The following EPS15 variants were observed in gnomAD, a reference collection of about 807,000 sequenced individuals.
EPS15 encodes epidermal growth factor receptor pathway substrate 15, also known as epidermal growth factor receptor substrate 15.
A neutral mutation model predicts 113.8 loss-of-function variants in EPS15; 72 were observed. The ratio of observed to expected loss-of-function variants is 0.63; its 90% CI spans 0.52 to 0.77. The LOEUF is 0.77. Among genes scored for constraint, EPS15 ranks in the 30% least tolerant of loss-of-function variants. The probability of loss-of-function intolerance (pLI) is 0.00; values close to 1 mark genes in which losing one functional copy is unlikely to be tolerated. For synonymous variants in EPS15, 344 were observed against 363.4 expected, an observed-to-expected ratio of 0.95 and a Z score of 0.61; for missense variants, 1,048 against 1,045.8, an observed-to-expected ratio of 1.00 and a Z score of -0.03.
intron 21 of EPS15, among the ~76,000 whole-genome samples, chr1:51,370,474 A>C (rs1646619828): frequency 6.6e-6 from 1 of 152,176 alleles, no homozygotes; most frequent in South Asian, 2.1e-4. Flanking sequence ...AGTGCTCAAA[A>C]AGGTTTAGAT....
At chr1:51,449,192 T>C (rs1653323206) in intron 8 of EPS15, among the ~76,000 whole-genome samples, 1 of 152,068 alleles carries the variant, frequency 6.6e-6, no homozygotes, top group African/African-American at 2.4e-5. Context: ...TCAACCTAAA[T>C]GCCCATCAAT....
At chr1:51,457,263 G>A (rs187877036) in intron 8 of EPS15, among the ~76,000 whole-genome samples, 2 of 151,768 alleles carry the variant, frequency 1.3e-5, no homozygotes, top group Admixed American at 1.3e-4. Context: ...CTCCAGCCTG[G>A]GCAACAAAGT....
At chr1:51,360,171 T>C (rs967344463) in intron 24 of EPS15, among the ~76,000 whole-genome samples, 3 of 152,068 alleles carry the variant, frequency 2.0e-5, no homozygotes, top group African/African-American at 7.2e-5. Context: ...AATGCTACAC[T>C]GAGGAGGGAA....
intron 22 of EPS15, among the ~76,000 whole-genome samples, chr1:51,365,257 C>T (rs947081906): frequency 6.6e-6 from 1 of 152,210 alleles, no homozygotes. Context: ...ATTGACATTT[C>T]AGGCTGGACG....
intron 21 of EPS15, chr1:51,372,607 A>AC (rs1370819907): frequency 5.9e-6 from 3 of 509,002 alleles, no homozygotes; most frequent in Non-Finnish European, 1.2e-5. Flanking sequence ...AAAGACACTA[A>AC]CCTAACTCAG....
rs893947331 is a variant in EPS15 at position 51,421,024 on chromosome 1, C to T, written c.1113+762G>A. On this transcript the variant is annotated intron_variant, in intron 13 of 24. Coordinates refer to ENST00000371733, the MANE Select transcript of EPS15 (RefSeq NM_001981.3). ...TCTATATCCAATCTCCTCTATGTGC[C>T]GGTGCAGCACTAAGGAAACAGTACC... is the stretch of plus-strand genomic sequence containing the variant. Among the ~76,000 whole-genome samples the T allele has an allele frequency of 3.9e-5, 6 of 152,228 alleles. No homozygotes were observed. The East Asian group carries it at 1.2e-3, about 29-fold the overall frequency.
chr1:51,451,280 G>A (rs562854033), intron 8 of EPS15, among the ~76,000 whole-genome samples: 1 of 151,772 alleles, frequency 6.6e-6, no homozygotes, highest in Non-Finnish European at 1.5e-5. Context: ...CCTGAGGTCA[G>A]GAGTTCGAAA....
chr1:51,463,881 T>A, intron 6 of EPS15, 83 bp from the exon 7 acceptor site: 1 of 731,938 alleles, frequency 1.4e-6, no homozygotes, highest in Admixed American at 2.5e-5. Flanking sequence ...CCTTAAAGAA[T>A]AGACTACATA....
intron 16 of EPS15, among the ~76,000 whole-genome samples, chr1:51,404,405 A>G (rs1648899764): frequency 6.6e-6 from 1 of 152,162 alleles, no homozygotes; most frequent in Non-Finnish European, 1.5e-5. Context: ...TAGCAGGGCA[A>G]TAGCTACTTT....
intron 21 of EPS15, among the ~76,000 whole-genome samples, chr1:51,388,192 A>C (rs550372122): frequency 0.03 from 4,549 of 152,288 alleles, 67 homozygotes; most frequent in African/African-American, 0.05. Context: ...AACTACATGG[A>C]AACTGAACAA....
intron 12 of EPS15, 79 bp downstream of exon 12, chr1:51,440,268 A>T (rs1652480415): frequency 1.9e-6 from 1 of 519,438 alleles, no homozygotes; most frequent in Admixed American, 3.0e-5. Context: ...GTATACATAT[A>T]TACATGTACT....
intron 1 of EPS15, among the ~76,000 whole-genome samples, chr1:51,513,007 T>G (rs1644653266): frequency 1.3e-5 from 2 of 151,074 alleles, no homozygotes; most frequent in South Asian, 4.2e-4. Context: ...TAAAAAAAAT[T>G]TTTTTTTTGT....
intron 8 of EPS15, chr1:51,459,055 T>C (rs975502102): frequency 6.6e-6 from 1 of 152,196 alleles, no homozygotes; most frequent in African/African-American, 2.4e-5. Context: ...GAACAAGAAT[T>C]CAAGTCACTT....
intron 2 of EPS15, among the ~76,000 whole-genome samples, chr1:51,478,123 T>C (rs1045031369): frequency 1.3e-5 from 2 of 152,214 alleles, no homozygotes; most frequent in Non-Finnish European, 2.9e-5. Flanking sequence ...ACTTGCTTTA[T>C]GAATCTGGGT....
intron 21 of EPS15, among the ~76,000 whole-genome samples, chr1:51,391,846 A>T (rs1647400116): frequency 6.6e-6 from 1 of 152,228 alleles, no homozygotes; most frequent in South Asian, 2.1e-4. Flanking sequence ...GAAGGTGCCA[A>T]GAAAAGCAGG....
intron 1 of EPS15, among the ~76,000 whole-genome samples, chr1:51,503,436 G>C (rs989360522): frequency 1.3e-4 from 20 of 152,140 alleles, no homozygotes; most frequent in Non-Finnish European, 2.5e-4. Context: ...GGGAGTTTGA[G>C]ACCAGCCTAG....
chr1:51,404,219 G>A (rs1432622616), intron 16 of EPS15, among the ~76,000 whole-genome samples: 26 of 152,078 alleles, frequency 1.7e-4, no homozygotes, highest in Admixed American at 7.9e-4. Context: ...GGTGGCACAC[G>A]CCTGTAGTCC....
intron 1 of EPS15, among the ~76,000 whole-genome samples, chr1:51,508,233 GAAA>G (rs748182551): frequency 3.4e-3 from 235 of 69,142 alleles, no homozygotes; most frequent in African/African-American, 0.011. Flanking sequence ...GAAAAGAAAA[GAAA>G]AGAAAGAGAG....
At chr1:51,491,643 G>C (rs1237846430) in intron 1 of EPS15, among the ~76,000 whole-genome samples, 2 of 152,120 alleles carry the variant, frequency 1.3e-5, no homozygotes, top group South Asian at 2.1e-4. Flanking sequence ...GCTTATTACA[G>C]AAGCTAGTAA....
Sources: allele counts gnomAD v4.1 joint callset (sites outside exome capture counted in the v4.1 genomes callset), GRCh38; gene constraint gnomAD v4.1.1; transcripts MANE v1.5; gene names NCBI Gene and HGNC (gene_info 2026-07-23, HGNC 2026-07-21).